SCARA3: variants seen among roughly 807,000 people sequenced by gnomAD.
SCARA3 encodes the protein scavenger receptor class A member 3.
SCARA3 carries 39 observed loss-of-function variants against 47.0 expected under a neutral mutation model. The ratio of observed to expected loss-of-function variants is 0.83; its 90% CI spans 0.64 to 1.08. SCARA3 has a LOEUF of 1.08. Among genes scored for constraint, SCARA3 ranks in the 50% least tolerant of loss-of-function variants. SCARA3 has a pLI of 0.00. For missense variants in SCARA3, 724 were observed against 792.3 expected (o/e 0.91, Z 1.04); for synonymous variants, 356 against 334.1 (o/e 1.07, Z -0.71).
chr8:27,669,317 C>T lies in SCARA3; in HGVS notation c.1370-1583C>T, dbSNP rs371148966. Among the ~76,000 whole-genome samples the T allele has an allele frequency of 7.2e-5, 11 of 152,358 alleles. 1 individual carries two copies. In the South Asian group the frequency reaches 2.1e-3, roughly 29 times the overall value. On this transcript the variant is annotated intron_variant, in intron 5 of 5. Coordinates refer to ENST00000301904, the MANE Select transcript of SCARA3 (RefSeq NM_016240.3). Reference sequence around the variant, plus strand: ...CGCCAACAGCTTCGTGGGGCGTCTCCGCCTCTGTATGGCTCTCTGCTTTTC... The same window carrying T: ...CGCCAACAGCTTCGTGGGGCGTCTCTGCCTCTGTATGGCTCTCTGCTTTTC...
intron 1 of SCARA3, among the ~76,000 whole-genome samples, chr8:27,643,420 C>A (rs978272072): frequency 6.6e-6 from 1 of 152,042 alleles, no homozygotes; most frequent in African/African-American, 2.4e-5. Context: ...GAGAAACTGG[C>A]AGAGCCACGG....
chr8:27,715,538 T>G, the SCARA3 span, among the ~76,000 whole-genome samples: 1 of 151,192 alleles, frequency 6.6e-6, no homozygotes, highest in African/African-American at 2.4e-5. This position sits in a 1 kb window ranked among gnomAD's most constrained non-coding sequence, Gnocchi z 4.2. Context: ...TTACTCAGGC[T>G]CTGACACCCA....
At chr8:27,663,882 C>T in intron 5 of SCARA3, among the ~76,000 whole-genome samples, 1 of 152,196 alleles carries the variant, frequency 6.6e-6, no homozygotes, top group East Asian at 1.9e-4. Context: ...GGGCCCCACT[C>T]AAACAAGAAG....
At chr8:27,678,012 A>G (rs951262493), downstream of SCARA3, among the ~76,000 whole-genome samples, 48 of 152,368 alleles carry the variant, frequency 3.2e-4, no homozygotes, top group African/African-American at 1.1e-3. Flanking sequence ...AAATGAAAAC[A>G]TAACATATGA....
chr8:27,693,944 A>G, the SCARA3 span, among the ~76,000 whole-genome samples: 2 of 152,212 alleles, frequency 1.3e-5, no homozygotes, highest in African/African-American at 4.8e-5. Context: ...GTATCGTTTG[A>G]TGAATTATGT....
At chr8:27,713,249 T>C in the SCARA3 span, among the ~76,000 whole-genome samples, 2 of 152,380 alleles carry the variant, frequency 1.3e-5, no homozygotes, top group African/African-American at 4.8e-5. Context: ...GTCCCACAGT[T>C]TGTGTTTGAT....
the SCARA3 span, among the ~76,000 whole-genome samples, chr8:27,728,564 C>G: frequency 1.3e-5 from 2 of 152,266 alleles, no homozygotes; most frequent in African/African-American, 4.8e-5. Flanking sequence ...CTGGAGGGGC[C>G]GTCGCTGGGG....
At chr8:27,651,456 C>G in intron 2 of SCARA3, 52 bp from the exon 3 acceptor site, 4 of 1,592,648 alleles carry the variant, frequency 2.5e-6, no homozygotes, top group Non-Finnish European at 2.6e-6. Context: ...GACCCTTCAG[C>G]TCCAACCTGG....
chr8:27,663,253 G>A (rs1398121362), intron 5 of SCARA3, among the ~76,000 whole-genome samples: 1 of 152,224 alleles, frequency 6.6e-6, no homozygotes, highest in Admixed American at 6.5e-5. Context: ...CTGCAGGACT[G>A]CAGTTGCCCA....
At chr8:27,692,840 C>G in the SCARA3 span, among the ~76,000 whole-genome samples, 1 of 151,912 alleles carries the variant, frequency 6.6e-6, no homozygotes, top group Non-Finnish European at 1.5e-5. Flanking sequence ...AAATCTTAAT[C>G]TAGGCCGGGT....
chr8:27,666,447 C>T (rs981289498), intron 5 of SCARA3, among the ~76,000 whole-genome samples: 2 of 152,188 alleles, frequency 1.3e-5, no homozygotes, highest in Non-Finnish European at 2.9e-5. Flanking sequence ...ACTAGTCCAT[C>T]GTAAGCAGAA....
Position 27,659,036 on chromosome 8 carries a change from G to A in SCARA3, c.866G>A (p.Arg289His), listed in dbSNP as rs765259060. ...GCCACCCTGGGGGCCTCCTCACAGCGCATCAGCCAGAACTCAGAGAGCATG... is the reference window on the plus strand; with the variant it reads ...GCCACCCTGGGGGCCTCCTCACAGCACATCAGCCAGAACTCAGAGAGCATG... ...IQATLGASSQ[R>H]ISQNSESMHD... The change falls in exon 5 of 6, where the codon CGC becomes CAC. Residue 289 changes from arginine to histidine, a missense_variant. Arg to His is a conservative substitution (Grantham distance 29). Coordinates refer to ENST00000301904, the MANE Select transcript of SCARA3 (RefSeq NM_016240.3). 1.5e-5 allele frequency: 25 copies of A among 1,613,944 alleles called. No individual in the cohort carries two copies. The highest frequency in any genetic ancestry group is 3.3e-4 in the Middle Eastern group (2 of 6,084).
At chr8:27,714,389 T>G in the SCARA3 span, among the ~76,000 whole-genome samples, 4 of 151,978 alleles carry the variant, frequency 2.6e-5, no homozygotes, top group Non-Finnish European at 4.4e-5. Flanking sequence ...GAGATGGGAT[T>G]TCACCATCTT....
the SCARA3 span, chr8:27,697,256 T>G: frequency 4.5e-6 from 1 of 221,264 alleles, no homozygotes; most frequent in Admixed American, 4.1e-5. Flanking sequence ...AGAGCATGCA[T>G]GATGACATCG....
chr8:27,675,790 T>C (rs1186766609), downstream of SCARA3, among the ~76,000 whole-genome samples: 1 of 149,230 alleles, frequency 6.7e-6, no homozygotes, highest in African/African-American at 2.5e-5. Context: ...ACTCCATCTC[T>C]AAATAAATGA....
At chr8:27,723,209 G>C in the SCARA3 span, among the ~76,000 whole-genome samples, 1 of 152,120 alleles carries the variant, frequency 6.6e-6, no homozygotes, top group South Asian at 2.1e-4. Flanking sequence ...CCCCTCTGAT[G>C]CTGCCCCACA....
the SCARA3 span, among the ~76,000 whole-genome samples, chr8:27,687,984 C>G: frequency 2.0e-5 from 3 of 152,094 alleles, no homozygotes; most frequent in Admixed American, 6.5e-5. Flanking sequence ...CCACTGCACT[C>G]TAGCCTGGGC....
the SCARA3 span, among the ~76,000 whole-genome samples, chr8:27,688,118 G>A: frequency 6.6e-6 from 1 of 152,308 alleles, no homozygotes; most frequent in South Asian, 2.1e-4. Flanking sequence ...GCTGTTCCAA[G>A]AAACTTTCAA....
At chr8:27,725,432 A>G in the SCARA3 span, among the ~76,000 whole-genome samples, 2 of 150,468 alleles carry the variant, frequency 1.3e-5, no homozygotes, top group Non-Finnish European at 1.5e-5. Context: ...ATATCTTTTC[A>G]TACACTCTTT....
Sources: gnomAD v4.1 joint callset for allele counts (sites outside exome capture counted in the v4.1 genomes callset) on GRCh38, gnomAD v4.1.1 for gene constraint, Gnocchi (gnomAD v3.1) non-coding constraint, MANE v1.5 for transcripts, NCBI Gene and HGNC (gene_info 2026-07-23, HGNC 2026-07-21) for gene names.